Variants in MARCHF1 observed in about 807,000 individuals in gnomAD.
MARCHF1 encodes the protein E3 ubiquitin-protein ligase MARCHF1.
MARCHF1 carries 40 observed loss-of-function variants against 54.2 expected under a neutral mutation model. The observed-to-expected ratio is 0.74, with a 90% CI of 0.57 to 0.96. The LOEUF is 0.96. Among genes scored for constraint, MARCHF1 ranks in the 40% least tolerant of loss-of-function variants. MARCHF1 has a pLI of 0.00. For missense variants in MARCHF1, 586 were observed against 656.5 expected (o/e 0.89, Z 1.17); for synonymous variants, 236 against 236.3 (o/e 1.00, Z 0.01).
At chr4:164,249,499 G>C (rs1274448716) in intron 1 of MARCHF1, among the ~76,000 whole-genome samples, 2 of 151,996 alleles carry the variant, frequency 1.3e-5, no homozygotes, top group Non-Finnish European at 2.9e-5. Context: ...AAGAAAAAGA[G>C]AGATGCCTAG....
intron 3 of MARCHF1, among the ~76,000 whole-genome samples, chr4:163,873,276 C>T (rs1750217904): frequency 6.6e-6 from 1 of 152,162 alleles, no homozygotes; most frequent in African/African-American, 2.4e-5. Flanking sequence ...GTTGATTAGG[C>T]TGTGGGGACA....
intron 3 of MARCHF1, among the ~76,000 whole-genome samples, chr4:163,916,439 G>C (rs1751309038): frequency 6.6e-6 from 1 of 152,122 alleles, no homozygotes; most frequent in Non-Finnish European, 1.5e-5. Flanking sequence ...GACAGCAGGT[G>C]CACAGGTGTG....
chr4:164,223,254 T>C (rs1579636639), intron 1 of MARCHF1, among the ~76,000 whole-genome samples: 2 of 152,122 alleles, frequency 1.3e-5, no homozygotes, highest in Admixed American at 6.6e-5. Flanking sequence ...GAACCAATAA[T>C]GAAGTTTTAG....
chr4:164,319,013 G>A (rs79377648), intron 1 of MARCHF1, among the ~76,000 whole-genome samples: 5,554 of 152,076 alleles, frequency 0.037, 196 homozygotes, highest in East Asian at 0.12. Context: ...TTCAGGTTTT[G>A]TTCTGGATAT....
chr4:164,099,935 C>G (rs1579532316), intron 2 of MARCHF1, among the ~76,000 whole-genome samples: 1 of 152,006 alleles, frequency 6.6e-6, no homozygotes, highest in African/African-American at 2.4e-5. Flanking sequence ...CTCTTGTAAT[C>G]AGCAAAGAAA....
intron 4 of MARCHF1, among the ~76,000 whole-genome samples, chr4:163,762,316 GA>G (rs1387945369): frequency 6.6e-6 from 1 of 152,094 alleles, no homozygotes; most frequent in Admixed American, 6.6e-5. Flanking sequence ...AACAATTGGT[GA>G]AGTGTTACTT....
At chr4:164,035,518 A>G (rs1234117592) in intron 2 of MARCHF1, among the ~76,000 whole-genome samples, 4 of 151,840 alleles carry the variant, frequency 2.6e-5, no homozygotes, top group Non-Finnish European at 5.9e-5. Context: ...ACACATATTC[A>G]TTATAAAGTA....
At chr4:163,537,203 T>C (rs1430552367) in intron 9 of MARCHF1, among the ~76,000 whole-genome samples, 1 of 152,164 alleles carries the variant, frequency 6.6e-6, no homozygotes, top group Non-Finnish European at 1.5e-5. Flanking sequence ...TGGGGCTAAA[T>C]GGATTTTTCA....
intron 4 of MARCHF1, among the ~76,000 whole-genome samples, chr4:163,765,951 A>G (rs13148148): frequency 6.7e-6 from 1 of 148,294 alleles, no homozygotes; most frequent in African/African-American, 2.5e-5. Flanking sequence ...TATATAATAT[A>G]TAGTGTTCAT....
chr4:163,906,366 T>G (rs1751066763), intron 3 of MARCHF1, among the ~76,000 whole-genome samples: 1 of 152,022 alleles, frequency 6.6e-6, no homozygotes, highest in African/African-American at 2.4e-5. Flanking sequence ...GATGCTGTAA[T>G]ACTGCTCAGG....
intron 1 of MARCHF1, chr4:164,188,680 C>A: frequency 9.0e-7 from 1 of 1,114,840 alleles, no homozygotes; most frequent in Non-Finnish European, 1.4e-6. Context: ...TCATCGGCCG[C>A]ACGTGGAACG....
At chr4:163,912,119 C>T (rs1277679922) in intron 3 of MARCHF1, among the ~76,000 whole-genome samples, 1 of 150,780 alleles carries the variant, frequency 6.6e-6, no homozygotes, top group Non-Finnish European at 1.5e-5. Flanking sequence ...GCAATCCAGC[C>T]AGCAGGGAAA....
chr4:164,270,052 G>T (rs986554443), intron 1 of MARCHF1, among the ~76,000 whole-genome samples: 1 of 152,064 alleles, frequency 6.6e-6, no homozygotes, highest in Non-Finnish European at 1.5e-5. Context: ...AGTATTTATA[G>T]TAAAAGTGAA....
chr4:163,637,386 A>T (rs894205838), intron 5 of MARCHF1, among the ~76,000 whole-genome samples: 11 of 151,942 alleles, frequency 7.2e-5, no homozygotes, highest in Non-Finnish European at 1.0e-4. Flanking sequence ...CAATGAACTC[A>T]AACAAATTTA....
At chr4:164,041,284 C>A (rs979553989) in intron 2 of MARCHF1, among the ~76,000 whole-genome samples, 1 of 152,248 alleles carries the variant, frequency 6.6e-6, no homozygotes, top group Non-Finnish European at 1.5e-5. Context: ...AACTTCCATA[C>A]CCTACCAATA....
intron 3 of MARCHF1, among the ~76,000 whole-genome samples, chr4:163,895,110 C>T (rs952236279): frequency 1.3e-4 from 20 of 151,938 alleles, no homozygotes; most frequent in Non-Finnish European, 2.5e-4. Flanking sequence ...CATATATATA[C>T]GCATGAGTCG....
At chr4:164,240,788 T>C (rs139541366) in intron 1 of MARCHF1, among the ~76,000 whole-genome samples, 4 of 152,208 alleles carry the variant, frequency 2.6e-5, no homozygotes. Context: ...ATAGTAGCTA[T>C]CATGACATTC....
At chr4:164,065,777 C>G (rs1754713257) in intron 2 of MARCHF1, among the ~76,000 whole-genome samples, 1 of 152,116 alleles carries the variant, frequency 6.6e-6, no homozygotes, top group Non-Finnish European at 1.5e-5. Context: ...CCCAGGCAAA[C>G]CACTGGTGTA....
intron 4 of MARCHF1, among the ~76,000 whole-genome samples, chr4:163,722,503 T>G (rs1190921911): frequency 6.6e-6 from 1 of 152,210 alleles, no homozygotes. Context: ...TAATGTATAT[T>G]CTGTTGATTT....
Sources: allele counts gnomAD v4.1 joint callset (sites outside exome capture counted in the v4.1 genomes callset), GRCh38; gene constraint gnomAD v4.1.1; transcripts MANE v1.5; gene names NCBI Gene and HGNC (gene_info 2026-07-23, HGNC 2026-07-21).